GRID1: variants seen among roughly 807,000 people sequenced by gnomAD.
The protein encoded by GRID1 is glutamate ionotropic receptor delta type subunit 1, also known as glutamate receptor ionotropic, delta-1.
In GRID1, 28 loss-of-function variants were observed where a neutral mutation model predicts 98.0. The observed-to-expected ratio is 0.29, with a 90% confidence interval of 0.21 to 0.39. The LOEUF is 0.39. GRID1 is among the 10% of genes least tolerant of loss of function. The pLI is 1.00. For synonymous variants in GRID1, 553 were observed against 538.5 expected, an observed-to-expected ratio of 1.03 and a Z score of -0.37; for missense variants, 1,111 against 1,340.5, an observed-to-expected ratio of 0.83 and a Z score of 2.67.
chr10:85,877,884 C>A (rs924400918), intron 5 of GRID1, among the ~76,000 whole-genome samples: 4 of 152,044 alleles, frequency 2.6e-5, no homozygotes, highest in African/African-American at 9.7e-5. Context: ...AAAAATTAGA[C>A]AAATGGATAA....
intron 5 of GRID1, among the ~76,000 whole-genome samples, chr10:85,880,030 G>A (rs1840980421): frequency 6.6e-6 from 1 of 152,164 alleles, no homozygotes; most frequent in African/African-American, 2.4e-5. Flanking sequence ...AGAAGAAATG[G>A]ATAATTTCCT....
intron 2 of GRID1, among the ~76,000 whole-genome samples, chr10:86,218,189 T>C (rs545677441): frequency 3.0e-4 from 45 of 152,108 alleles, no homozygotes; most frequent in African/African-American, 1.0e-3. Context: ...TGTGTGTGAG[T>C]TCATGCACGC....
rs1215038887 is a variant in GRID1 at position 86,365,288 on chromosome 10, C to A, written c.79+1026G>T. On this transcript the variant is annotated intron_variant, in intron 1 of 15. Transcript: ENST00000327946. The surrounding 1 kb of genome is among the most constrained non-coding windows in gnomAD (Gnocchi z 4.8). ...CCCGTCCTCCTCGCCTTCAACACCT[C>A]CCAACCCCCAGTTTCCCTGTGCTCG... 6.6e-6 allele frequency among the ~76,000 whole-genome samples: 1 copy of A among 151,604 alleles called. No homozygotes were observed.
At chr10:85,753,929 T>C (rs761722132) in intron 8 of GRID1, among the ~76,000 whole-genome samples, 7 of 152,202 alleles carry the variant, frequency 4.6e-5, no homozygotes, top group Non-Finnish European at 8.8e-5. Context: ...ACATACAAGG[T>C]CATCAGGCAA....
At chr10:86,354,687 T>C (rs1848510339) in intron 2 of GRID1, among the ~76,000 whole-genome samples, 1 of 152,156 alleles carries the variant, frequency 6.6e-6, no homozygotes, top group Admixed American at 6.5e-5. Context: ...TTCCACCAAA[T>C]AGAGCAAGGT....
At position 86,069,252 on chromosome 10, in the gene GRID1, G is replaced by T. The variant is rs542863019; in HGVS notation, c.726+69567C>A. On this transcript the variant is annotated intron_variant, in intron 4 of 15. Coordinates refer to ENST00000327946, the MANE Select transcript of GRID1 (RefSeq NM_017551.3). ...GATGTAACAGTTGCCAAGGGGAGGT[G>T]ATGTGAGCAGAATTATAATCAGAAC... Among the ~76,000 whole-genome samples the T allele has an allele frequency of 4.9e-4, 74 of 152,264 alleles. No individual in the cohort carries two copies. In the East Asian group the frequency reaches 5.4e-3, roughly 11 times the overall value.
At chr10:85,797,877 G>C (rs1842540118) in intron 8 of GRID1, among the ~76,000 whole-genome samples, 1 of 152,126 alleles carries the variant, frequency 6.6e-6, no homozygotes, top group African/African-American at 2.4e-5. Flanking sequence ...ATAGCCTCCA[G>C]CTTCATCCAT....
At chr10:86,008,525 A>G (rs1277113509) in intron 4 of GRID1, among the ~76,000 whole-genome samples, 1 of 152,228 alleles carries the variant, frequency 6.6e-6, no homozygotes, top group African/African-American at 2.4e-5. Flanking sequence ...ATTTATGAAT[A>G]ATATATAAAG....
intron 3 of GRID1, among the ~76,000 whole-genome samples, chr10:86,139,986 C>T (rs1000517350): frequency 2.0e-5 from 3 of 152,172 alleles, no homozygotes; most frequent in African/African-American, 2.4e-5. Context: ...CAGAGGCAGG[C>T]GGGTCTGAGA....
At chr10:86,342,026 T>G (rs1322747408) in intron 2 of GRID1, among the ~76,000 whole-genome samples, 4 of 152,140 alleles carry the variant, frequency 2.6e-5, no homozygotes, top group Non-Finnish European at 5.9e-5. Context: ...CTGGGAGCTT[T>G]TAAAGAAGAG....
chr10:85,631,526 A>T (rs1424873676), intron 13 of GRID1, among the ~76,000 whole-genome samples: 1 of 152,236 alleles, frequency 6.6e-6, no homozygotes. Context: ...TTATATTTTC[A>T]AGAAAAAAAG....
chr10:85,784,002 T>C (rs1014207369), intron 8 of GRID1, among the ~76,000 whole-genome samples: 1 of 152,196 alleles, frequency 6.6e-6, no homozygotes, highest in Admixed American at 6.5e-5. Context: ...GAGCATGTAA[T>C]GTTCAGCTTC....
At chr10:85,615,327 T>C (rs1322093002) in intron 14 of GRID1, among the ~76,000 whole-genome samples, 1 of 152,164 alleles carries the variant, frequency 6.6e-6, no homozygotes, top group Non-Finnish European at 1.5e-5. Context: ...TAAAGATCAG[T>C]GTTCTCATCT....
chr10:86,174,875 A>T (rs1240876645), intron 3 of GRID1, among the ~76,000 whole-genome samples: 3 of 152,214 alleles, frequency 2.0e-5, no homozygotes, highest in Non-Finnish European at 4.4e-5. Flanking sequence ...TATGCAGCCA[A>T]AAAACACATG....
intron 4 of GRID1, among the ~76,000 whole-genome samples, chr10:85,947,843 G>A (rs775654300): frequency 4.6e-5 from 7 of 152,210 alleles, no homozygotes; most frequent in Middle Eastern, 3.4e-3. Context: ...TATTTTGTTC[G>A]GTCTATCCCC....
intron 4 of GRID1, among the ~76,000 whole-genome samples, chr10:85,984,445 G>A (rs933299589): frequency 3.3e-5 from 5 of 152,180 alleles, no homozygotes; most frequent in South Asian, 2.1e-4. Flanking sequence ...AAAGCACCCT[G>A]GGTGCTGAGA....
chr10:85,922,018 C>A (rs1841711971), intron 4 of GRID1, among the ~76,000 whole-genome samples: 1 of 152,218 alleles, frequency 6.6e-6, no homozygotes, highest in African/African-American at 2.4e-5. Flanking sequence ...AGACTCGTAT[C>A]TTGCAGAAGG....
rs1564688150 is a variant in GRID1, at chr10:85,647,377, TTGGACAGGTCC to T, written c.2007_2017del (p.Asp670ThrfsTer16). 6.2e-7 allele frequency: 1 copy of T among 1,614,184 alleles called. No homozygotes were observed. The highest frequency in any genetic ancestry group is 8.5e-7 in the Non-Finnish European group (1 of 1,180,006). On this transcript the variant is annotated frameshift_variant, in exon 13 of 16. Coordinates refer to ENST00000327946, the MANE Select transcript of GRID1 (RefSeq NM_017551.3). ...AGTGCCATAAGACATTTCCACTTGT[TTGGACAGGTCC>T]TGGAAAGTCCTGAAATGCAGAAAGG...
At chr10:86,104,233 G>C (rs1049907565) in intron 4 of GRID1, among the ~76,000 whole-genome samples, 1 of 152,178 alleles carries the variant, frequency 6.6e-6, no homozygotes, top group Admixed American at 6.5e-5. Context: ...AAAGCTGCTG[G>C]CCAGCCCAGC....
Sources: gnomAD v4.1 joint callset for allele counts (sites outside exome capture counted in the v4.1 genomes callset) on GRCh38, gnomAD v4.1.1 for gene constraint, Gnocchi (gnomAD v3.1) non-coding constraint, MANE v1.5 for transcripts, NCBI Gene and HGNC (gene_info 2026-07-23, HGNC 2026-07-21) for gene names.